The following ACO1 variants were observed in gnomAD, a reference collection of about 807,000 sequenced individuals.
The protein encoded by ACO1 is aconitase 1, also known as cytoplasmic aconitate hydratase.
ACO1 carries 78 observed loss-of-function variants against 105.1 expected under a neutral mutation model. The observed-to-expected ratio is 0.74, with a 90% CI of 0.62 to 0.90. The LOEUF is 0.90. Among genes scored for constraint, ACO1 ranks in the 40% least tolerant of loss-of-function variants. The probability of loss-of-function intolerance (pLI) is 0.00; values close to 1 mark genes in which losing one functional copy is unlikely to be tolerated. For synonymous variants in ACO1, 364 were observed against 397.4 expected (o/e 0.92, Z 1.00); for missense variants, 965 against 1,111.1 (o/e 0.87, Z 1.87).
In ACO1 at chr9:32,418,529, T is replaced by A. The variant is rs1487963139; in HGVS notation, c.658+18T>A. 1 of 1,603,130 alleles carries A rather than the reference T, an allele frequency of 6.2e-7. No individual in the cohort carries two copies. Among genetic ancestry groups the A allele is most frequent in the Non-Finnish European group, 8.5e-7 (1 of 1,172,426 alleles). On this transcript the variant is annotated intron_variant, in intron 6 of 20. Coordinates refer to ENST00000309951, the MANE Select transcript of ACO1 (RefSeq NM_002197.3). ...TGGTTGGGGTGAGTGTTCTTCCATA[T>A]ATGCTGTTTTGGGGCATGCACTTTA... is the stretch of plus-strand genomic sequence containing the variant.
chr9:32,445,185 T>C (rs945852566), intron 19 of ACO1, among the ~76,000 whole-genome samples: 2 of 152,206 alleles, frequency 1.3e-5, no homozygotes, highest in African/African-American at 4.8e-5. Context: ...TCAGAAGGAA[T>C]GGTACCAGCT....
In ACO1 at chr9:32,448,270, GGCC is replaced by G. The variant is rs566529165; in HGVS notation, c.2371-625_2371-623del. Among the ~76,000 whole-genome samples the G allele has an allele frequency of 4.0e-3, 606 of 152,298 alleles. 4 individuals are homozygous for G. The highest frequency in any genetic ancestry group is 0.014 in the African/African-American group (566 of 41,566). On this transcript the variant is annotated intron_variant, in intron 19 of 20. Transcript: ENST00000309951. The stretch of plus-strand genomic sequence containing the variant: ...AGAGGAGGAATCTAGAGAGGCAGTA[GGCC>G]TTGCTGAGCTGCGGTGGGCTCCACC...
intron 1 of ACO1, among the ~76,000 whole-genome samples, chr9:32,401,137 A>G (rs1309254034): frequency 6.6e-6 from 1 of 152,186 alleles, no homozygotes; most frequent in African/African-American, 2.4e-5. Flanking sequence ...TTTGGAAAAA[A>G]GTGGCACCCA....
intron 1 of ACO1, among the ~76,000 whole-genome samples, chr9:32,397,324 A>G (rs1473632661): frequency 6.6e-6 from 1 of 152,224 alleles, no homozygotes; most frequent in Non-Finnish European, 1.5e-5. Flanking sequence ...CAAGTATCAT[A>G]TTTAATAGGT....
At chr9:32,447,367 TACTTGTA>T (rs1822639316) in intron 19 of ACO1, among the ~76,000 whole-genome samples, 1 of 152,202 alleles carries the variant, frequency 6.6e-6, no homozygotes, top group African/African-American at 2.4e-5. Flanking sequence ...CAGCTATTGA[TACTTGTA>T]TATACTCACG....
intron 11 of ACO1, 103 bp downstream of exon 11, chr9:32,426,100 G>A: frequency 8.5e-7 from 1 of 1,180,204 alleles, no homozygotes; most frequent in Non-Finnish European, 1.2e-6. Context: ...GTAGTTCCCT[G>A]AACCTCGTCT....
At chr9:32,388,619 A>G (rs946731803) in intron 1 of ACO1, among the ~76,000 whole-genome samples, 3 of 152,178 alleles carry the variant, frequency 2.0e-5, no homozygotes, top group Admixed American at 6.5e-5. Context: ...TTGTACATCT[A>G]TGTGTACATA....
chr9:32,449,906 C>A, intron 20 of ACO1, 92 bp from the exon 21 acceptor site: 1 of 952,024 alleles, frequency 1.1e-6, no homozygotes, highest in Non-Finnish European at 1.7e-6. Flanking sequence ...GAAGTGTGGA[C>A]CACACCTGAG....
intron 11 of ACO1, among the ~76,000 whole-genome samples, chr9:32,426,231 ATAAGT>A (rs1822095285): frequency 6.6e-6 from 1 of 152,228 alleles, no homozygotes; most frequent in East Asian, 1.9e-4. Context: ...AACACAGAAA[ATAAGT>A]AGAGGAAAGC....
intron 1 of ACO1, among the ~76,000 whole-genome samples, chr9:32,390,921 G>A (rs543487616): frequency 5.9e-5 from 9 of 152,240 alleles, no homozygotes; most frequent in Admixed American, 4.6e-4. Flanking sequence ...CCCACCAGGC[G>A]AAAGACCTGA....
At chr9:32,434,997 G>C (rs112766102) in intron 17 of ACO1, among the ~76,000 whole-genome samples, 1 of 152,178 alleles carries the variant, frequency 6.6e-6, no homozygotes, top group African/African-American at 2.4e-5. Flanking sequence ...GATCTTTAAA[G>C]TACAAGGCTC....
At position 32,438,833 on chromosome 9, in the gene ACO1, T is replaced by A. The variant is rs138382638; in HGVS notation, c.2248-1632T>A. On this transcript the variant is annotated intron_variant, in intron 18 of 20. Coordinates refer to ENST00000309951, the MANE Select transcript of ACO1 (RefSeq NM_002197.3). ...ATTGGGAGGTTGGGAAGAAGGGAGA[T>A]GTGTGGAAGAGGAGAGATTGTTAAG... 1.6e-3 allele frequency among the ~76,000 whole-genome samples: 239 copies of A among 152,200 alleles called. 2 individuals are homozygous for A. Among genetic ancestry groups the A allele is most frequent in the African/African-American group, 5.5e-3 (229 of 41,532 alleles).
chr9:32,450,186 C>CCCTGGCTGCCTCTGGGAG lies in ACO1; in HGVS notation c.*76_*93dup. Reference sequence around the variant, plus strand: ...AGCGCAGGCCCTGGTGGAGAGGCCTCCCTGGCTGCCTCTGGGAGGGGTGCT... The same window carrying CCCTGGCTGCCTCTGGGAG: ...AGCGCAGGCCCTGGTGGAGAGGCCTCCCTGGCTGCCTCTGGGAGCCTGGCTGCCTCTGGGAGGGGTGCT... On this transcript the variant is annotated 3_prime_UTR_variant, in exon 21 of 21. Transcript: ENST00000309951. 1.7e-6 allele frequency: 2 copies of CCCTGGCTGCCTCTGGGAG among 1,197,622 alleles called. No individual in the cohort carries two copies. Among genetic ancestry groups the CCCTGGCTGCCTCTGGGAG allele is most frequent in the Non-Finnish European group, 2.5e-6 (2 of 803,784 alleles). 74.2% of individuals were successfully genotyped at this position (1,197,622 alleles called of 1,614,324 possible). A position where few individuals can be genotyped will look rare whatever the true frequency, so the allele number is the denominator to read the frequency against.
In ACO1 at chr9:32,448,982, C is replaced by T. The variant is rs1371648525; in HGVS notation, c.2457C>T (p.Leu819=). Residue 819 remains leucine, a synonymous_variant, in exon 20 of 21, where the codon CTC becomes CTT. Coordinates refer to ENST00000309951, the MANE Select transcript of ACO1 (RefSeq NM_002197.3). The part of the protein sequence containing the change: ...VGMGVIPLEY[L]PGENADALGL... ...TGGGTGTGATCCCACTTGAATATCT[C>T]CCTGGTGAGAATGCAGATGCCCTGG... The T allele has an allele frequency of 3.7e-6, 6 of 1,614,050 alleles. No individual in the cohort carries two copies. In the South Asian group the frequency reaches 6.6e-5, roughly 18 times the overall value.
chr9:32,451,691 G>A lies in ACO1; in HGVS notation c.*1580G>A, dbSNP rs1822769811. Reference sequence around the variant, plus strand: ...ATCCTCTTTCTACTTCTCACCAGATGAGGGATCAAGACAGGTTATTTAGCA... The same window carrying A: ...ATCCTCTTTCTACTTCTCACCAGATAAGGGATCAAGACAGGTTATTTAGCA... On this transcript the variant is annotated 3_prime_UTR_variant, in exon 21 of 21. Transcript: ENST00000309951. 1 of 152,136 alleles carries A rather than the reference G, an allele frequency of 6.6e-6. No individual in the cohort carries two copies. The highest frequency in any genetic ancestry group is 2.1e-4 in the South Asian group (1 of 4,836). 9.4% of individuals were successfully genotyped at this position (152,136 alleles called of 1,614,324 possible).
chr9:32,397,059 C>G (rs1460031192), intron 1 of ACO1, among the ~76,000 whole-genome samples: 3 of 151,786 alleles, frequency 2.0e-5, no homozygotes, highest in African/African-American at 7.3e-5. Context: ...GAAAATAGAC[C>G]ACTAACTTAA....
chr9:32,443,511 T>C (rs1376918322), intron 19 of ACO1, among the ~76,000 whole-genome samples: 2 of 152,234 alleles, frequency 1.3e-5, no homozygotes, highest in African/African-American at 4.8e-5. Flanking sequence ...TTCTAGACTT[T>C]GAAGTAAAAT....
At chr9:32,431,882 A>G (rs776169085) in intron 15 of ACO1, 39 bp downstream of exon 15, 1 of 1,610,958 alleles carries the variant, frequency 6.2e-7, no homozygotes, top group Non-Finnish European at 8.5e-7. Flanking sequence ...CAGAGGATCT[A>G]AGGGAAAGCT....
At chr9:32,407,687 T>G (rs1006711491) in intron 3 of ACO1, among the ~76,000 whole-genome samples, 2 of 152,208 alleles carry the variant, frequency 1.3e-5, no homozygotes, top group African/African-American at 4.8e-5. Context: ...ATCCTTGCTC[T>G]TAAAGATCCT....
Sources: gnomAD v4.1 joint callset for allele counts (sites outside exome capture counted in the v4.1 genomes callset) on GRCh38, gnomAD v4.1.1 for gene constraint, MANE v1.5 for transcripts, NCBI Gene and HGNC (gene_info 2026-07-23, HGNC 2026-07-21) for gene names.